Variants in HAUS1 observed in about 807,000 individuals in gnomAD.
The protein encoded by HAUS1 is HAUS augmin like complex subunit 1.
A neutral mutation model predicts 38.6 loss-of-function variants in HAUS1; 25 were observed. That is an observed-to-expected ratio of 0.65 (90% CI 0.47 to 0.91). The LOEUF (loss-of-function observed/expected upper bound fraction) is 0.91. HAUS1 is among the 40% of genes least tolerant of loss of function. HAUS1 has a pLI of 0.00. For missense variants in HAUS1, 325 were observed against 328.4 expected, an observed-to-expected ratio of 0.99 and a Z score of 0.08; for synonymous variants, 109 against 112.9, an observed-to-expected ratio of 0.97 and a Z score of 0.22.
chr18:46,116,793 G>A (rs1403995760), intron 2 of HAUS1, among the ~76,000 whole-genome samples: 4 of 151,838 alleles, frequency 2.6e-5, no homozygotes, highest in South Asian at 2.1e-4. Flanking sequence ...CAGGCAGATC[G>A]CTTGAGTCCA....
intron 4 of HAUS1, chr18:46,121,580 A>G (rs1020927389): frequency 2.0e-5 from 3 of 152,070 alleles, no homozygotes; most frequent in African/African-American, 7.2e-5. Context: ...AATAACAGCA[A>G]TATTTTCCAT....
At chr18:46,115,484 C>T (rs9304329) in intron 2 of HAUS1, among the ~76,000 whole-genome samples, 49,840 of 147,084 alleles carry the variant, frequency 0.34, 9,191 homozygotes, top group Middle Eastern at 0.5. Context: ...AAAAATTAGC[C>T]AGGGGTGGTG....
chr18:46,112,316 AAT>A (rs1300963249), intron 2 of HAUS1, among the ~76,000 whole-genome samples: 2 of 126,316 alleles, frequency 1.6e-5, no homozygotes, highest in East Asian at 2.6e-4. Context: ...TATTATATAT[AAT>A]ATATATAATG....
At chr18:46,124,136 A>T (rs753175311) in intron 6 of HAUS1, among the ~76,000 whole-genome samples, 7 of 152,182 alleles carry the variant, frequency 4.6e-5, no homozygotes, top group Non-Finnish European at 7.3e-5. Flanking sequence ...AAGGCCAGGC[A>T]TGGTGGCTCA....
At chr18:46,122,073 C>T (rs1911957269) in intron 4 of HAUS1, among the ~76,000 whole-genome samples, 1 of 152,150 alleles carries the variant, frequency 6.6e-6, no homozygotes, top group South Asian at 2.1e-4. Flanking sequence ...AACTCCTGAC[C>T]TCAGGTGATC....
At chr18:46,116,421 C>T (rs1448148516) in intron 2 of HAUS1, among the ~76,000 whole-genome samples, 2 of 151,376 alleles carry the variant, frequency 1.3e-5, no homozygotes, top group East Asian at 3.9e-4. Context: ...ATTAGCCAGG[C>T]ATGGTGGTGC....
chr18:46,107,930 C>G (rs1226026066), intron 2 of HAUS1, among the ~76,000 whole-genome samples: 2 of 151,806 alleles, frequency 1.3e-5, no homozygotes, highest in Non-Finnish European at 2.9e-5. Context: ...GTCTTGAACT[C>G]CTGGGTTCAA....
chr18:46,112,121 G>A (rs997510133), intron 2 of HAUS1, among the ~76,000 whole-genome samples: 7 of 149,770 alleles, frequency 4.7e-5, no homozygotes, highest in South Asian at 2.1e-4. Flanking sequence ...TCCTGACCTC[G>A]TGATCCGCCA....
chr18:46,105,064 G>A (rs1306282244), intron 1 of HAUS1, 130 bp from the exon 2 acceptor site: 9 of 565,080 alleles, frequency 1.6e-5, no homozygotes, highest in Middle Eastern at 4.8e-4. Flanking sequence ...GACAAGTGAG[G>A]TTGTGAAGTA....
At chr18:46,126,188 T>C (rs556389312) in intron 8 of HAUS1, among the ~76,000 whole-genome samples, 5 of 152,210 alleles carry the variant, frequency 3.3e-5, no homozygotes, top group Admixed American at 2.0e-4. Flanking sequence ...GGCAGGAGAA[T>C]CACTTGAACC....
In HAUS1 at chr18:46,128,120, C is replaced by A; in HGVS notation, c.832C>A (p.Leu278Met). The A allele has an allele frequency of 1.9e-6, 3 of 1,584,624 alleles. No individual in the cohort carries two copies. Among genetic ancestry groups the A allele is most frequent in the Non-Finnish European group, 1.7e-6 (2 of 1,167,518 alleles). Residue 278 changes from leucine to methionine, a missense_variant, in exon 9 of 9, where the codon CTG becomes ATG. Leu to Met is a conservative substitution (Grantham distance 15). Transcript: ENST00000282058. ...ELTRRVDMME[L>M] ...TACAAGAAGAGTAGACATGATGGAA[C>A]TGTGACAAAAGCCAAATAAACATCC...
In HAUS1 at chr18:46,128,089, T is replaced by C; in HGVS notation, c.801T>C (p.Ala267=). 6.3e-7 allele frequency: 1 copy of C among 1,585,744 alleles called. No individual in the cohort carries two copies. ...EAKRELDSIE[A]ELTRRVDMME... ...TCTTCCTGTAGGATAGCATTGAAGC[T>C]GAACTTACAAGAAGAGTAGACATGA... Residue 267 remains alanine (A), a synonymous_variant, in exon 9 of 9, where the codon GCT becomes GCC. Coordinates refer to ENST00000282058, the MANE Select transcript of HAUS1 (RefSeq NM_138443.4).
Position 46,123,354 on chromosome 18 carries a change from C to T in HAUS1, c.656C>T (p.Ala219Val), listed in dbSNP as rs758032050. Residue 219 changes from alanine (A) to valine (V), a missense_variant, in exon 6 of 9, where the codon GCA becomes GTA. Physicochemically the swap from Ala to Val is moderately conservative, Grantham distance 64. Coordinates refer to ENST00000282058, the MANE Select transcript of HAUS1 (RefSeq NM_138443.4). ...TCTCTGTCTCATCAGTCCTTAGTAG[C>T]ACTATCAGAGGTGAGCTTATTTTAA... ...DASLSHQSLV[A>V]LSEKLARLKQ... is the part of the protein sequence containing the mutation. 1 of 1,607,142 alleles carries T rather than the reference C, an allele frequency of 6.2e-7. No homozygotes were observed. Among genetic ancestry groups the T allele is most frequent in the East Asian group, 2.2e-5 (1 of 44,782 alleles).
rs549329083 is a variant in HAUS1, at chr18:46,113,088, A to T, written c.206-5093A>T. On this transcript the variant is annotated intron_variant, in intron 2 of 8. Coordinates refer to ENST00000282058, the MANE Select transcript of HAUS1 (RefSeq NM_138443.4). ...ATATATATATTCCATATATATATAT[A>T]TATTTTTTGAGACAGGGTCTCACTC... is the stretch of plus-strand genomic sequence containing the variant. Among the ~76,000 whole-genome samples, 3 of 78,652 alleles carry T rather than the reference A, an allele frequency of 3.8e-5. No individual in the cohort carries two copies. The East Asian group carries it at 6.6e-4, about 17-fold the overall frequency. 51.6% of individuals were successfully genotyped at this position (78,652 alleles called of 152,430 possible).
chr18:46,105,440 G>T, intron 2 of HAUS1, 72 bp downstream of exon 2: 5 of 1,300,358 alleles, frequency 3.8e-6, no homozygotes, highest in South Asian at 1.5e-5. Context: ...AAAGTATACA[G>T]GATTAATTTA....
chr18:46,110,333 G>GTTTTTTTTTTTTGTTTTTTT (rs1911587830), intron 2 of HAUS1, among the ~76,000 whole-genome samples: 3 of 49,992 alleles, frequency 6.0e-5, no homozygotes, highest in African/African-American at 1.7e-4. Flanking sequence ...TTTTTTTAAG[G>GTTTTTTTTTTTTGTTTTTTT]TTTTTTTTTT....
chr18:46,105,527 T>C, intron 2 of HAUS1, 159 bp downstream of exon 2: 1 of 592,122 alleles, frequency 1.7e-6, no homozygotes, highest in Non-Finnish European at 3.0e-6. Context: ...TTTATTGTTT[T>C]ATGTTTATAT....
At chr18:46,124,701 G>A (rs192802714) in intron 6 of HAUS1, 121 bp from the exon 7 acceptor site, 164 of 543,170 alleles carry the variant, frequency 3.0e-4, no homozygotes, top group Non-Finnish European at 4.9e-4. Flanking sequence ...CTTTTTATTC[G>A]ATAACGTTAT....
chr18:46,113,034 T>G (rs796954429), intron 2 of HAUS1, among the ~76,000 whole-genome samples: 599 of 58,484 alleles, frequency 0.01, 9 homozygotes, highest in Non-Finnish European at 0.015. Context: ...ATTATATATA[T>G]AATATATATA....
Sources: gnomAD v4.1 joint callset for allele counts (sites outside exome capture counted in the v4.1 genomes callset) on GRCh38, gnomAD v4.1.1 for gene constraint, MANE v1.5 for transcripts, NCBI Gene and HGNC (gene_info 2026-07-23, HGNC 2026-07-21) for gene names.